NAA40: variants seen among roughly 807,000 people sequenced by gnomAD.
NAA40 encodes N-alpha-acetyltransferase 40.
Under a neutral mutation model 36.6 loss-of-function variants are expected in NAA40, and 26 were observed. The observed-to-expected ratio is 0.71, with a 90% CI of 0.52 to 0.98. The LOEUF is 0.98. Ranked by LOEUF, NAA40 falls within the 50% of genes least tolerant of loss-of-function variation. The probability of loss-of-function intolerance (pLI) is 0.00; values close to 1 mark genes in which losing one functional copy is unlikely to be tolerated. For missense variants in NAA40, 237 were observed against 306.5 expected, an observed-to-expected ratio of 0.77 and a Z score of 1.69; for synonymous variants, 129 against 108.4, an observed-to-expected ratio of 1.19 and a Z score of -1.18.
chr11:63,953,847 C>CT lies in NAA40; in HGVS notation c.495-124dup, dbSNP rs567428324. 2.2e-3 allele frequency: 1,737 copies of CT among 787,854 alleles called. 42 individuals are homozygous for CT. In the South Asian group the frequency reaches 0.028, roughly 13 times the overall value. 48.8% of individuals were successfully genotyped at this position (787,854 alleles called of 1,614,324 possible). ...GTCCCACTATGTTTTCCAGGCTGGT[C>CT]TCTAACTCCTGGGCTCAAATGATCC... On this transcript the variant is annotated intron_variant, in intron 6 of 7. Transcript: ENST00000377793.
intron 1 of NAA40, among the ~76,000 whole-genome samples, chr11:63,940,951 A>C (rs1213140361): frequency 1.3e-5 from 2 of 152,220 alleles, no homozygotes; most frequent in African/African-American, 4.8e-5. Flanking sequence ...AACCAGAAGC[A>C]GCCACTGCGG....
intron 3 of NAA40, among the ~76,000 whole-genome samples, chr11:63,948,818 C>T (rs947288981): frequency 1.3e-5 from 2 of 152,108 alleles, no homozygotes; most frequent in East Asian, 3.9e-4. Context: ...CCTCGGCCTC[C>T]TAAAGTGCTG....
Position 63,945,950 on chromosome 11 carries a change from C to T in NAA40, c.102+15C>T, listed in dbSNP as rs1436389481. On this transcript the variant is annotated intron_variant, in intron 2 of 7. Transcript: ENST00000377793. ...CTGCCAACAGGGTGATTCTCCCTTT[C>T]TTCCCAGTCCCTGCCTCCTGGGACT... 1 of 1,609,212 alleles carries T rather than the reference C, an allele frequency of 6.2e-7. No homozygotes were observed. Among genetic ancestry groups the T allele is most frequent in the East Asian group, 2.2e-5 (1 of 44,868 alleles).
intron 2 of NAA40, 136 bp downstream of exon 2, chr11:63,946,071 G>A (rs1942181616): frequency 4.0e-6 from 3 of 750,810 alleles, no homozygotes; most frequent in South Asian, 3.3e-5. Flanking sequence ...TGCTGTGCAG[G>A]GAACTGAGCT....
chr11:63,946,595 A>AT, intron 2 of NAA40: 2 of 1,256,542 alleles, frequency 1.6e-6, no homozygotes, highest in South Asian at 1.6e-5. Context: ...CAGGGGCTTG[A>AT]TTTTCCATTT....
intron 1 of NAA40, among the ~76,000 whole-genome samples, chr11:63,944,847 G>A (rs1942159770): frequency 2.2e-5 from 3 of 134,836 alleles, no homozygotes; most frequent in Admixed American, 7.9e-5. Flanking sequence ...AGGCTGCCGT[G>A]AACCGAGATC....
chr11:63,953,502 A>T (rs1942314565), intron 6 of NAA40, among the ~76,000 whole-genome samples: 1 of 151,178 alleles, frequency 6.6e-6, no homozygotes, highest in African/African-American at 2.5e-5. Flanking sequence ...GGAAGCAGTG[A>T]GTGCTGTGTG....
intron 3 of NAA40, among the ~76,000 whole-genome samples, chr11:63,949,079 A>C (rs1317067499): frequency 6.6e-6 from 1 of 152,094 alleles, no homozygotes; most frequent in African/African-American, 2.4e-5. Context: ...CCAGCTACTG[A>C]GAAGGCTGAT....
In NAA40 at chr11:63,956,859, G is replaced by C. The variant is rs1942372919; in HGVS notation, c.*2380G>C. 6.6e-6 allele frequency: 1 copy of C among 152,016 alleles called. No homozygotes were observed. The highest frequency in any genetic ancestry group is 2.4e-5 in the African/African-American group (1 of 41,360). 9.4% of individuals were successfully genotyped at this position (152,016 alleles called of 1,614,324 possible). On this transcript the variant is annotated 3_prime_UTR_variant, in exon 8 of 8. Coordinates refer to ENST00000377793, the MANE Select transcript of NAA40 (RefSeq NM_024771.4). ...GGCGTGGTTGTGGCCTGTAATCCCA[G>C]CTACTCGGGAGGCTGAGGCAGGAGA...
At chr11:63,949,070 C>T (rs934507431) in intron 3 of NAA40, among the ~76,000 whole-genome samples, 1 of 152,070 alleles carries the variant, frequency 6.6e-6, no homozygotes, top group Non-Finnish European at 1.5e-5. Flanking sequence ...CCTGTATTCC[C>T]AGCTACTGAG....
rs912117274 is a variant in NAA40, at chr11:63,952,785, G to A, written c.440G>A (p.Arg147Gln). Residue 147 changes from arginine to glutamine, a missense_variant, in exon 6 of 8, where the codon CGG becomes CAG. Physicochemically the swap from Arg to Gln is conservative, Grantham distance 43. Coordinates refer to ENST00000377793, the MANE Select transcript of NAA40 (RefSeq NM_024771.4). ...GAAGTGCAGTTGGAAAGCAAGGTGC[G>A]GCGGAAAGGCCTGGGGAAGTTCCTC... is the stretch of plus-strand genomic sequence containing the variant. ...CYEVQLESKV[R>Q]RKGLGKFLIQ... is the part of the protein sequence containing the mutation. The A allele has an allele frequency of 5.0e-6, 8 of 1,614,106 alleles. No homozygotes were observed. Among genetic ancestry groups the A allele is most frequent in the East Asian group, 2.2e-5 (1 of 44,878 alleles).
At position 63,947,018 on chromosome 11, in the gene NAA40, G is replaced by A. The variant is rs1307310036; in HGVS notation, c.155+15G>A. 3.1e-6 allele frequency: 5 copies of A among 1,612,324 alleles called. No homozygotes were observed. The highest frequency in any genetic ancestry group is 2.2e-5 in the South Asian group (2 of 91,042). On this transcript the variant is annotated intron_variant, in intron 3 of 7. Coordinates refer to ENST00000377793, the MANE Select transcript of NAA40 (RefSeq NM_024771.4). The stretch of plus-strand genomic sequence containing the variant: ...GATAGAAACGGGTGAGTCACATTGA[G>A]CATTACCAACTGCTGTCTCCTCGAG...
At chr11:63,953,917 A>G in intron 6 of NAA40, 55 bp from the exon 7 acceptor site, 1 of 1,512,590 alleles carries the variant, frequency 6.6e-7, no homozygotes. Flanking sequence ...GGTGCATGCC[A>G]CCATGCCTGG....
At chr11:63,950,569 TCTC>T (rs1942263936) in intron 3 of NAA40, among the ~76,000 whole-genome samples, 1 of 151,926 alleles carries the variant, frequency 6.6e-6, no homozygotes. Flanking sequence ...TACAAGCAAT[TCTC>T]CTGCCTCAGC....
chr11:63,948,771 G>A (rs1942228840), intron 3 of NAA40, among the ~76,000 whole-genome samples: 2 of 152,162 alleles, frequency 1.3e-5, no homozygotes, highest in South Asian at 2.1e-4. Flanking sequence ...TGTTGCCCGG[G>A]CTGGTCTCAA....
chr11:63,943,060 T>C (rs1184964429), intron 1 of NAA40, among the ~76,000 whole-genome samples: 1 of 152,148 alleles, frequency 6.6e-6, no homozygotes, highest in Non-Finnish European at 1.5e-5. Flanking sequence ...AACAAGCATG[T>C]AGGGTGGAGT....
chr11:63,949,743 GTTT>G (rs10708671), intron 3 of NAA40, among the ~76,000 whole-genome samples: 3 of 108,436 alleles, frequency 2.8e-5, no homozygotes, highest in Non-Finnish European at 1.9e-5. Context: ...CTTGCAAGCT[GTTT>G]TTTTTTTTTT....
rs999659210 is a variant in NAA40, at chr11:63,953,864, A to C, written c.495-108A>C. ...AGGCTGGTCTCTAACTCCTGGGCTC[A>C]AATGATCCTCCCACCTTTGCCCCTC... On this transcript the variant is annotated intron_variant, in intron 6 of 7. Transcript: ENST00000377793. 4 of 920,276 alleles carry C rather than the reference A, an allele frequency of 4.3e-6. No individual in the cohort carries two copies. In the African/African-American group the frequency reaches 6.6e-5, roughly 15 times the overall value. The allele number at this position is 920,276 out of a possible 1,614,324, so 57.0% of individuals were successfully genotyped here.
At chr11:63,945,212 C>T (rs557524876) in intron 1 of NAA40, among the ~76,000 whole-genome samples, 1 of 152,312 alleles carries the variant, frequency 6.6e-6, no homozygotes, top group Admixed American at 6.5e-5. Flanking sequence ...ACCCTTTGGG[C>T]CCCTGCCCTC....
Sources: gnomAD v4.1 joint callset for allele counts (sites outside exome capture counted in the v4.1 genomes callset) on GRCh38, gnomAD v4.1.1 for gene constraint, MANE v1.5 for transcripts, NCBI Gene and HGNC (gene_info 2026-07-23, HGNC 2026-07-21) for gene names.